OR11A1: variants seen among roughly 807,000 people sequenced by gnomAD.
OR11A1 encodes olfactory receptor 11A1.
For missense variants in OR11A1, 380 were observed against 378.2 expected (o/e 1.00, Z -0.04); for synonymous variants, 158 against 152.2 (o/e 1.04, Z -0.28).
At chr6:29,436,594 C>T (rs1183723464) in intron 1 of OR11A1, among the ~76,000 whole-genome samples, 1 of 152,186 alleles carries the variant, frequency 6.6e-6, no homozygotes, top group African/African-American at 2.4e-5. Context: ...CCTGCATCTC[C>T]CCTAAAGCAA....
At chr6:29,431,528 C>T (rs1783229896) in intron 2 of OR11A1, among the ~76,000 whole-genome samples, 1 of 152,158 alleles carries the variant, frequency 6.6e-6, no homozygotes, top group African/African-American at 2.4e-5. Context: ...CTTCTTCCTA[C>T]TCTGTAACAT....
At chr6:29,456,582 T>C (rs2151417293) in intron 1 of OR11A1, among the ~76,000 whole-genome samples, 1 of 152,182 alleles carries the variant, frequency 6.6e-6, no homozygotes, top group South Asian at 2.1e-4. Flanking sequence ...CTAGAATGTC[T>C]ATCACATGAC....
At chr6:29,451,156 A>C (rs1176742295) in intron 1 of OR11A1, among the ~76,000 whole-genome samples, 3 of 152,246 alleles carry the variant, frequency 2.0e-5, no homozygotes, top group Non-Finnish European at 4.4e-5. Context: ...CGTATTAGGA[A>C]GATTGAAACT....
chr6:29,441,032 G>C, intron 1 of OR11A1: 2 of 966,582 alleles, frequency 2.1e-6, no homozygotes, highest in Non-Finnish European at 3.1e-6. Context: ...CTCCCTTAAG[G>C]TCTTTCTTCA....
chr6:29,450,475 G>A (rs1785244916), intron 1 of OR11A1: 1 of 152,136 alleles, frequency 6.6e-6, no homozygotes, highest in African/African-American at 2.4e-5. Context: ...TATTTTATTG[G>A]AATCTTAAAA....
In OR11A1 at chr6:29,440,222, G is replaced by C. The variant is rs977356543; in HGVS notation, c.-388-8235C>G. On this transcript the variant is annotated intron_variant, in intron 1 of 4. Coordinates refer to ENST00000377149, the MANE Select transcript of OR11A1 (RefSeq NM_001394828.1). ...TCCTGCGCACCCTCTCGGCCTTGGA[G>C]ATTGGCTATACGTCTGTCACGGTCC... The C allele has an allele frequency of 3.1e-6, 5 of 1,613,834 alleles. No homozygotes were observed. In the African/African-American group the frequency reaches 5.3e-5, roughly 17 times the overall value.
intron 1 of OR11A1, among the ~76,000 whole-genome samples, chr6:29,449,852 G>A (rs1785167394): frequency 6.6e-6 from 1 of 152,078 alleles, no homozygotes; most frequent in Admixed American, 6.5e-5. Context: ...GGCCAGGCTG[G>A]TCTTGAACTC....
chr6:29,445,976 GA>G (rs1262950028), intron 1 of OR11A1, among the ~76,000 whole-genome samples: 1 of 152,020 alleles, frequency 6.6e-6, no homozygotes, highest in East Asian at 1.9e-4. Context: ...GGGACATAAG[GA>G]GAAGGATTAG....
intron 1 of OR11A1, among the ~76,000 whole-genome samples, chr6:29,456,530 A>AAAAAGCTAT (rs1456324102): frequency 6.6e-6 from 1 of 152,148 alleles, no homozygotes; most frequent in East Asian, 1.9e-4. Context: ...AAATTAAATT[A>AAAAAGCTAT]AAAAGCTATA....
At position 29,426,853 on chromosome 6, in the gene OR11A1, G is replaced by C. The variant is rs761244446; in HGVS notation, c.789C>G (p.Pro263=). 1 of 1,613,122 alleles carries C rather than the reference G, an allele frequency of 6.2e-7. No individual in the cohort carries two copies. Among genetic ancestry groups the C allele is most frequent in the Non-Finnish European group, 8.5e-7 (1 of 1,180,038 alleles). ...AGAGGAGCTGGGAATGGACAGCAGA[G>C]GGTGCAACATAAAAGATCATGAGCG... ...YGTLMIFYVA[P]SAVHSQLLSK... The change falls in exon 5 of 5, where the codon CCC becomes CCG. Residue 263 remains proline (P), a synonymous_variant. Transcript: ENST00000377149.
intron 3 of OR11A1, among the ~76,000 whole-genome samples, chr6:29,429,683 A>T (rs560415194): frequency 6.6e-6 from 1 of 152,290 alleles, no homozygotes; most frequent in African/African-American, 2.4e-5. Flanking sequence ...AAGAAACAAC[A>T]TTGGATGTGA....
intron 1 of OR11A1, among the ~76,000 whole-genome samples, chr6:29,443,220 G>A (rs561185934): frequency 7.2e-5 from 11 of 152,212 alleles, no homozygotes; most frequent in African/African-American, 2.2e-4. Flanking sequence ...GCGCAATCAC[G>A]AAATGAACAT....
intron 1 of OR11A1, among the ~76,000 whole-genome samples, chr6:29,455,355 A>C (rs1459256094): frequency 1.3e-5 from 2 of 152,230 alleles, no homozygotes; most frequent in Non-Finnish European, 2.9e-5. Context: ...ACTTGAACAG[A>C]CACCTCACAA....
rs766580711 is a variant in OR11A1 at position 29,427,293 on chromosome 6, C to T, written c.349G>A (p.Ala117Thr). The part of the protein sequence containing the change: ...SLATAECLLL[A>T]VMAYDRYLAI... The stretch of plus-strand genomic sequence containing the variant: ...AGGTAGCGGTCATATGCCATGACAG[C>T]CAGCAGTAAGCATTCAGCTGTGGCT... Residue 117 changes from alanine to threonine, a missense_variant, in exon 5 of 5, where the codon GCT becomes ACT. Physicochemically the swap from Ala to Thr is moderately conservative, Grantham distance 58 (BLOSUM62 0). Coordinates refer to ENST00000377149, the MANE Select transcript of OR11A1 (RefSeq NM_001394828.1). The T allele has an allele frequency of 7.4e-6, 12 of 1,612,984 alleles. No homozygotes were observed. The highest frequency in any genetic ancestry group is 1.6e-4 in the Middle Eastern group (1 of 6,062).
Position 29,440,037 on chromosome 6 carries a change from G to A in OR11A1, c.-388-8050C>T. 6 of 1,613,032 alleles carry A rather than the reference G, an allele frequency of 3.7e-6. No homozygotes were observed. In the South Asian group the frequency reaches 6.6e-5, roughly 18 times the overall value. On this transcript the variant is annotated intron_variant, in intron 1 of 4. Coordinates refer to ENST00000377149, the MANE Select transcript of OR11A1 (RefSeq NM_001394828.1). ...CAGGATGAGTGCAAACACCTCCATG[G>A]TGACTGAGTTTCTTCTTCTCGGCTT...
At position 29,457,063 on chromosome 6, in the gene OR11A1, G is replaced by T. The variant is rs900740851; in HGVS notation, c.-465C>A. On this transcript the variant is annotated 5_prime_UTR_variant, in exon 1 of 5. Coordinates refer to ENST00000377149, the MANE Select transcript of OR11A1 (RefSeq NM_001394828.1). ...CCCCATATGTGTGTTTCCATTCACT[G>T]CTAGGATGGCTTCCTCCAAAGTAAA... is the stretch of plus-strand genomic sequence containing the variant. 3 of 152,146 alleles carry T rather than the reference G, an allele frequency of 2.0e-5. No homozygotes were observed. The highest frequency in any genetic ancestry group is 4.4e-5 in the Non-Finnish European group (3 of 68,038). The allele number at this position is 152,146 out of a possible 1,614,324, so 9.4% of individuals were successfully genotyped here. A position where few individuals can be genotyped will look rare whatever the true frequency, so the allele number is the denominator to read the frequency against.
chr6:29,448,293 G>A (rs1257674869), intron 1 of OR11A1, among the ~76,000 whole-genome samples: 1 of 152,086 alleles, frequency 6.6e-6, no homozygotes, highest in Non-Finnish European at 1.5e-5. Context: ...GGGATTACAG[G>A]CGTGAGCCAC....
intron 1 of OR11A1, among the ~76,000 whole-genome samples, chr6:29,445,282 G>A (rs1784632276): frequency 6.6e-6 from 1 of 152,202 alleles, no homozygotes; most frequent in South Asian, 2.1e-4. Flanking sequence ...TGGGATTACA[G>A]GCGTGAGCCA....
At position 29,427,339 on chromosome 6, in the gene OR11A1, C is replaced by T. The variant is rs563688008; in HGVS notation, c.303G>A (p.Gln101=). The T allele has an allele frequency of 1.2e-6, 2 of 1,613,092 alleles. No homozygotes were observed. Among genetic ancestry groups the T allele is most frequent in the South Asian group, 1.1e-5 (1 of 91,082 alleles). Residue 101 remains glutamine (Q), a synonymous_variant, in exon 5 of 5, where the codon CAG becomes CAA. Transcript: ENST00000377149. ...ATISVAGCLL[Q]FFIFGSLATA... ...TGGCTAGAGAGCCGAAGATAAAGAA[C>T]TGGAGCAAGCAACCAGCCACAGAGA... is the stretch of plus-strand genomic sequence containing the variant.
Sources: gnomAD v4.1 joint callset for allele counts (sites outside exome capture counted in the v4.1 genomes callset) on GRCh38, gnomAD v4.1.1 for gene constraint, MANE v1.5 for transcripts, NCBI Gene and HGNC (gene_info 2026-07-23, HGNC 2026-07-21) for gene names.